Variants in CTNNA2 observed in about 807,000 individuals in gnomAD.
CTNNA2 encodes catenin alpha 2.
CTNNA2 carries 42 observed loss-of-function variants against 101.0 expected under a neutral mutation model. That is an observed-to-expected ratio of 0.42 (90% CI 0.32 to 0.54). The LOEUF is 0.54. Ranked by LOEUF, CTNNA2 falls within the 20% of genes least tolerant of loss-of-function variation. The pLI is 0.14. For synonymous variants in CTNNA2, 450 were observed against 456.4 expected, an observed-to-expected ratio of 0.99 and a Z score of 0.18; for missense variants, 871 against 1,223.1, an observed-to-expected ratio of 0.71 and a Z score of 4.29.
At chr2:80,399,545 C>T (rs1573947245) in intron 8 of CTNNA2, among the ~76,000 whole-genome samples, 1 of 152,042 alleles carries the variant, frequency 6.6e-6, no homozygotes. Context: ...GGATCTATAA[C>T]GTAAGTATGA....
intron 2 of CTNNA2, among the ~76,000 whole-genome samples, chr2:79,699,839 GTA>G (rs765230329): frequency 5.7e-5 from 8 of 141,314 alleles, no homozygotes; most frequent in Non-Finnish European, 9.2e-5. Context: ...ACACGTGTGT[GTA>G]TATATATATG....
At chr2:79,468,524 T>C (rs903690129) in intron 4 of CTNNA2, among the ~76,000 whole-genome samples, 10 of 152,058 alleles carry the variant, frequency 6.6e-5, no homozygotes, top group African/African-American at 1.9e-4. Flanking sequence ...CTGCACCAAG[T>C]GGACCTAATA....
chr2:79,880,105 T>A (rs575436470), intron 6 of CTNNA2, among the ~76,000 whole-genome samples: 1 of 152,334 alleles, frequency 6.6e-6, no homozygotes, highest in African/African-American at 2.4e-5. Context: ...GTTCTGTTTA[T>A]GTGATGGATT....
At chr2:80,374,501 A>G (rs1675740322) in intron 7 of CTNNA2, among the ~76,000 whole-genome samples, 1 of 152,020 alleles carries the variant, frequency 6.6e-6, no homozygotes, top group Admixed American at 6.5e-5. Context: ...GCTGTTGTGA[A>G]TAAGATGGAG....
chr2:79,283,873 G>C (rs1324876980), intron 2 of CTNNA2, among the ~76,000 whole-genome samples: 1 of 102,188 alleles, frequency 9.8e-6, no homozygotes, highest in Non-Finnish European at 2.0e-5. Context: ...TCACGATATT[G>C]ATTCTTCCTA....
intron 1 of CTNNA2, among the ~76,000 whole-genome samples, chr2:79,605,795 C>A (rs953464059): frequency 8.6e-5 from 13 of 152,038 alleles, no homozygotes; most frequent in African/African-American, 3.1e-4. Flanking sequence ...GTGGTACATG[C>A]CTGTACTCTG....
chr2:79,723,539 C>A (rs1271434478), intron 2 of CTNNA2, among the ~76,000 whole-genome samples: 1 of 152,112 alleles, frequency 6.6e-6, no homozygotes, highest in Non-Finnish European at 1.5e-5. Flanking sequence ...GAAGTCTAGG[C>A]CTGTTTATAA....
chr2:79,565,922 G>A (rs1675083466), intron 1 of CTNNA2, among the ~76,000 whole-genome samples: 1 of 151,942 alleles, frequency 6.6e-6, no homozygotes, highest in African/African-American at 2.4e-5. Flanking sequence ...AGACAGAATA[G>A]GGGATTAAGA....
chr2:79,519,497 C>G (rs1046764919), intron 1 of CTNNA2, among the ~76,000 whole-genome samples: 1 of 152,074 alleles, frequency 6.6e-6, no homozygotes, highest in African/African-American at 2.4e-5. Context: ...TTAAATAAGC[C>G]TCAAACTCTC....
intron 3 of CTNNA2, among the ~76,000 whole-genome samples, chr2:79,315,469 G>A (rs914853352): frequency 1.3e-5 from 2 of 152,076 alleles, no homozygotes; most frequent in Non-Finnish European, 2.9e-5. Flanking sequence ...CATTTGCCCA[G>A]TTAAGATCTT....
chr2:79,325,691 CTCCA>C (rs1558627107), intron 3 of CTNNA2, among the ~76,000 whole-genome samples: 1 of 152,232 alleles, frequency 6.6e-6, no homozygotes, highest in Non-Finnish European at 1.5e-5. Flanking sequence ...GCATCACCTT[CTCCA>C]TCCAGGCAGC....
At chr2:80,464,425 G>C (rs1235143909) in intron 9 of CTNNA2, among the ~76,000 whole-genome samples, 2 of 152,092 alleles carry the variant, frequency 1.3e-5, no homozygotes, top group African/African-American at 4.8e-5. Context: ...CTTTTACTTA[G>C]AGTTCCTCCT....
chr2:80,347,238 G>T (rs2089889995), intron 7 of CTNNA2, among the ~76,000 whole-genome samples: 1 of 152,194 alleles, frequency 6.6e-6, no homozygotes, highest in Admixed American at 6.5e-5. Context: ...TACAGGACGT[G>T]GGGATGAGTT....
chr2:80,637,612 C>T (rs767645179), intron 18 of CTNNA2, among the ~76,000 whole-genome samples: 2 of 152,076 alleles, frequency 1.3e-5, no homozygotes, highest in Admixed American at 6.5e-5. Context: ...TCCTGGACCT[C>T]GGTAGCAACA....
chr2:79,818,895 GCACACACA>G (rs56218833), intron 3 of CTNNA2, among the ~76,000 whole-genome samples: 24,470 of 122,646 alleles, frequency 0.2, 2,537 homozygotes, highest in Middle Eastern at 0.29. Flanking sequence ...AGCACTAATA[GCACACACA>G]CACACACACA....
At chr2:79,749,282 G>A (rs1671849149) in intron 3 of CTNNA2, among the ~76,000 whole-genome samples, 1 of 152,054 alleles carries the variant, frequency 6.6e-6, no homozygotes, top group African/African-American at 2.4e-5. Flanking sequence ...GGTCATTCTC[G>A]GAGTATGCGT....
intron 7 of CTNNA2, among the ~76,000 whole-genome samples, chr2:80,166,371 A>G (rs1195637006): frequency 6.6e-6 from 1 of 152,156 alleles, no homozygotes; most frequent in East Asian, 1.9e-4. Context: ...GCAAAGGCCA[A>G]TGATTTAATC....
At chr2:80,646,205 C>T (rs1490125454) in intron 18 of CTNNA2, among the ~76,000 whole-genome samples, 1 of 152,102 alleles carries the variant, frequency 6.6e-6, no homozygotes, top group African/African-American at 2.4e-5. Flanking sequence ...TCTTAGTCAC[C>T]TAGCCCCCAG....
chr2:79,732,122 A>C (rs1687237065), intron 2 of CTNNA2, among the ~76,000 whole-genome samples: 1 of 152,052 alleles, frequency 6.6e-6, no homozygotes, highest in African/African-American at 2.4e-5. Flanking sequence ...TTTCATTCTC[A>C]ATAATTCTTT....
Sources: gnomAD v4.1 joint callset for allele counts (sites outside exome capture counted in the v4.1 genomes callset) on GRCh38, gnomAD v4.1.1 for gene constraint, MANE v1.5 for transcripts, NCBI Gene and HGNC (gene_info 2026-07-23, HGNC 2026-07-21) for gene names.